Variants in RNF2 observed in about 807,000 individuals in gnomAD.
RNF2 encodes the protein E3 ubiquitin-protein ligase RING2.
A neutral mutation model predicts 37.2 loss-of-function variants in RNF2; 6 were observed. That is an observed-to-expected ratio of 0.16 (90% confidence interval 0.09 to 0.32). RNF2 has a LOEUF of 0.32. Among genes scored for constraint, RNF2 ranks in the 10% least tolerant of loss-of-function variants. The probability of loss-of-function intolerance (pLI) is 1.00; values close to 1 mark genes in which losing one functional copy is unlikely to be tolerated. For missense variants in RNF2, 251 were observed against 404.0 expected (o/e 0.62, Z 3.25); for synonymous variants, 133 against 132.7 (o/e 1.00, Z -0.02).
At chr1:185,074,852 T>C (rs545308228) in intron 1 of RNF2, among the ~76,000 whole-genome samples, 32 of 152,332 alleles carry the variant, frequency 2.1e-4, no homozygotes, top group African/African-American at 7.7e-4. Context: ...GTGTAAGTTA[T>C]ATGCAAATGC....
chr1:185,079,082 T>TTC (rs929396784), intron 1 of RNF2, among the ~76,000 whole-genome samples: 4 of 151,716 alleles, frequency 2.6e-5, no homozygotes, highest in African/African-American at 7.3e-5. Context: ...ATCTTTTCTT[T>TTC]TTTTTTTTTT....
chr1:185,100,850 T>C lies in RNF2; in HGVS notation c.*549T>C, dbSNP rs761608787. The stretch of plus-strand genomic sequence containing the variant: ...TTTCATGGTATTTTCTTCCATAATA[T>C]CTCATTTTAAAAAGAAGTTCTTTAT... On this transcript the variant is annotated 3_prime_UTR_variant, in exon 7 of 7. Transcript: ENST00000367510. 33 of 152,408 alleles carry C rather than the reference T, an allele frequency of 2.2e-4. No homozygotes were observed. Among genetic ancestry groups the C allele is most frequent in the Non-Finnish European group, 2.1e-4 (14 of 67,952 alleles). The allele number at this position is 152,408 out of a possible 1,614,324, so 9.4% of individuals were successfully genotyped here.
chr1:185,067,802 C>G (rs1040234329), intron 1 of RNF2, among the ~76,000 whole-genome samples: 1 of 150,992 alleles, frequency 6.6e-6, no homozygotes, highest in East Asian at 1.9e-4. Flanking sequence ...CCTCTGCCTC[C>G]CGGGTTCAAA....
intron 1 of RNF2, among the ~76,000 whole-genome samples, chr1:185,084,421 T>C (rs1651521907): frequency 6.6e-6 from 1 of 152,174 alleles, no homozygotes; most frequent in Non-Finnish European, 1.5e-5. Context: ...AAAAGGAATA[T>C]GTGCTGATGG....
chr1:185,045,743 C>G (rs1457105638), intron 1 of RNF2, 94 bp downstream of exon 1: 5 of 148,776 alleles, frequency 3.4e-5, no homozygotes, highest in Non-Finnish European at 7.4e-5. Flanking sequence ...ACGGGGGCCC[C>G]GGAGTGTGGG....
intron 1 of RNF2, among the ~76,000 whole-genome samples, chr1:185,068,767 A>G (rs1023352563): frequency 6.6e-6 from 1 of 152,228 alleles, no homozygotes; most frequent in Non-Finnish European, 1.5e-5. Context: ...TATAGCAATC[A>G]TTGTTCAGAA....
At position 185,085,145 on chromosome 1, in the gene RNF2, C is replaced by CTTTTTTTTTTTTTT. The variant is rs71555455; in HGVS notation, c.-2-2399_-2-2386dup. Among the ~76,000 whole-genome samples the CTTTTTTTTTTTTTT allele has an allele frequency of 4.8e-4, 50 of 103,222 alleles. 1 individual carries two copies. The highest frequency in any genetic ancestry group is 8.2e-4 in the Admixed American group (7 of 8,492). The allele number at this position is 103,222 out of a possible 152,430, so 67.7% of individuals were successfully genotyped here. A position where few individuals can be genotyped will look rare whatever the true frequency, so the allele number is the denominator to read the frequency against. ...CCATATTTGACCCTTCTTTCTTTTT[C>CTTTTTTTTTTTTTT]TTTTTTTTTTTTTTTTTTTTTGAGA... On this transcript the variant is annotated intron_variant, in intron 1 of 6. Transcript: ENST00000367510.
rs139812316 is a variant in RNF2 at position 185,063,972 on chromosome 1, A to G, written c.-3+18323A>G. Among the ~76,000 whole-genome samples the G allele has an allele frequency of 2.3e-3, 349 of 152,236 alleles. 1 individual carries two copies. Among genetic ancestry groups the G allele is most frequent in the African/African-American group, 8.2e-3 (339 of 41,544 alleles). On this transcript the variant is annotated intron_variant, in intron 1 of 6. Transcript: ENST00000367510. ...CTGGATAATCCAGGATAATCTCCCC[A>G]TCTTAAGAGCTGTAATTTAATTGTA...
intron 1 of RNF2, among the ~76,000 whole-genome samples, chr1:185,086,168 C>T (rs1352725240): frequency 6.6e-6 from 1 of 152,018 alleles, no homozygotes; most frequent in Non-Finnish European, 1.5e-5. Context: ...TTCCCCAATC[C>T]ACCTCTATAA....
rs1301525420 is a variant in RNF2, at chr1:185,102,175, A to C, written c.*1874A>C. On this transcript the variant is annotated 3_prime_UTR_variant, in exon 7 of 7. Coordinates refer to ENST00000367510, the MANE Select transcript of RNF2 (RefSeq NM_007212.4). Reference sequence around the variant, plus strand: ...GAGGATATAAACTGCATCATTAGTGAAATTATTGGTTGTGTAATCCTTTGT... The same window carrying C: ...GAGGATATAAACTGCATCATTAGTGCAATTATTGGTTGTGTAATCCTTTGT... 6.6e-6 allele frequency: 1 copy of C among 152,388 alleles called. No homozygotes were observed. Among genetic ancestry groups the C allele is most frequent in the Non-Finnish European group, 1.5e-5 (1 of 67,988 alleles). 9.4% of individuals were successfully genotyped at this position (152,388 alleles called of 1,614,324 possible). A position where few individuals can be genotyped will look rare whatever the true frequency, so the allele number is the denominator to read the frequency against.
chr1:185,051,986 C>T (rs986808814), intron 1 of RNF2, among the ~76,000 whole-genome samples: 1 of 150,806 alleles, frequency 6.6e-6, no homozygotes, highest in Admixed American at 6.6e-5. Context: ...ACCCATGTAA[C>T]ACTTCTCAAA....
At chr1:185,074,450 G>T (rs1370287538) in intron 1 of RNF2, among the ~76,000 whole-genome samples, 1 of 151,654 alleles carries the variant, frequency 6.6e-6, no homozygotes, top group African/African-American at 2.4e-5. Flanking sequence ...TCTATCTAGG[G>T]GCCCACCTAG....
intron 1 of RNF2, among the ~76,000 whole-genome samples, chr1:185,079,441 T>G (rs1448627610): frequency 6.6e-6 from 1 of 152,152 alleles, no homozygotes; most frequent in African/African-American, 2.4e-5. Context: ...TCAGCCTGAG[T>G]CTTCGTAATA....
At chr1:185,054,039 T>G (rs1434087283) in intron 1 of RNF2, among the ~76,000 whole-genome samples, 7 of 152,182 alleles carry the variant, frequency 4.6e-5, no homozygotes, top group Admixed American at 4.6e-4. Context: ...CAATATGGCA[T>G]TAAACATCTT....
chr1:185,097,143 T>C lies in RNF2; in HGVS notation c.465-929T>C, dbSNP rs551326368. ...TTCTTTGCTTTTCTCAACTAGAAAA[T>C]GACATTAATGGTAACTGCCTTGACA... On this transcript the variant is annotated intron_variant, in intron 4 of 6. Coordinates refer to ENST00000367510, the MANE Select transcript of RNF2 (RefSeq NM_007212.4). Among the ~76,000 whole-genome samples the C allele has an allele frequency of 5.9e-5, 9 of 152,270 alleles. No homozygotes were observed. The South Asian group carries it at 1.9e-3, about 32-fold the overall frequency.
intron 4 of RNF2, among the ~76,000 whole-genome samples, chr1:185,094,798 C>G (rs1393250794): frequency 6.6e-6 from 1 of 152,116 alleles, no homozygotes; most frequent in Non-Finnish European, 1.5e-5. Flanking sequence ...TCTTCTTTTC[C>G]TCTCTGACAT....
At chr1:185,099,658 ATAT>A in intron 5 of RNF2, 130 bp from the exon 6 acceptor site, 1 of 727,278 alleles carries the variant, frequency 1.4e-6, no homozygotes, top group South Asian at 1.9e-5. Context: ...TAAATTTCTG[ATAT>A]TATTTTGTCA....
rs370038127 is a variant in RNF2, at chr1:185,078,783, G to A, written c.-2-8769G>A. On this transcript the variant is annotated intron_variant, in intron 1 of 6. Transcript: ENST00000367510. ...AAATTCGCCAGGCGTAGTGGCTCAC[G>A]CCTGTAATCCCAGCACTTTGGGAGG... Among the ~76,000 whole-genome samples the A allele has an allele frequency of 1.3e-4, 20 of 151,224 alleles. No individual in the cohort carries two copies. In the East Asian group the frequency reaches 1.4e-3, roughly 10 times the overall value.
chr1:185,098,438 G>A lies in RNF2; in HGVS notation c.737+94G>A, dbSNP rs1651977550. The A allele has an allele frequency of 2.8e-6, 4 of 1,406,176 alleles. No individual in the cohort carries two copies. The East Asian group carries it at 7.0e-5, about 25-fold the overall frequency. 87.1% of individuals were successfully genotyped at this position (1,406,176 alleles called of 1,614,324 possible). On this transcript the variant is annotated intron_variant, in intron 5 of 6. Transcript: ENST00000367510. ...TGTATAAGAAGTAGGAGCAATATTT[G>A]TCATCCCATTGATTGCAGGGGTTCA...
Sources: gnomAD v4.1 joint callset for allele counts (sites outside exome capture counted in the v4.1 genomes callset) on GRCh38, gnomAD v4.1.1 for gene constraint, MANE v1.5 for transcripts, NCBI Gene and HGNC (gene_info 2026-07-23, HGNC 2026-07-21) for gene names.